Variants in CCSER1 observed in about 807,000 individuals in gnomAD.
The protein encoded by CCSER1 is coiled-coil serine rich protein 1.
A neutral mutation model predicts 82.0 loss-of-function variants in CCSER1; 41 were observed. The observed-to-expected ratio is 0.50, with a 90% CI of 0.39 to 0.65. CCSER1 has a LOEUF of 0.65. Ranked by LOEUF, CCSER1 falls within the 30% of genes least tolerant of loss-of-function variation. The pLI is 0.00. For missense variants in CCSER1, 1,119 were observed against 1,064.2 expected (o/e 1.05, Z -0.72); for synonymous variants, 414 against 383.9 (o/e 1.08, Z -0.92).
chr4:91,341,940 T>C (rs1055467478), intron 10 of CCSER1, among the ~76,000 whole-genome samples: 5 of 152,224 alleles, frequency 3.3e-5, no homozygotes, highest in Non-Finnish European at 7.3e-5. Flanking sequence ...TTATTGTTAA[T>C]ATTTTCATGC....
chr4:91,240,399 T>TA lies in CCSER1; in HGVS notation c.2217+154405_2217+154406insA, dbSNP rs1739314743. ...GCCTATTTTAAGCATTTGTAATGCATTAATTCATCTAATCATCACAACCAT... is the reference window on the plus strand; with the variant it reads ...GCCTATTTTAAGCATTTGTAATGCATATAATTCATCTAATCATCACAACCAT... On this transcript the variant is annotated intron_variant, in intron 10 of 10. Coordinates refer to ENST00000509176, the MANE Select transcript of CCSER1 (RefSeq NM_001145065.2). Among the ~76,000 whole-genome samples the TA allele has an allele frequency of 4.7e-5, 2 of 42,234 alleles. 1 individual carries two copies. Among genetic ancestry groups the TA allele is most frequent in the African/African-American group, 2.9e-4 (2 of 6,916 alleles). 27.7% of individuals were successfully genotyped at this position (42,234 alleles called of 152,430 possible).
chr4:90,392,858 G>T (rs892831032), intron 3 of CCSER1, among the ~76,000 whole-genome samples: 2 of 152,244 alleles, frequency 1.3e-5, no homozygotes, highest in South Asian at 4.1e-4. Context: ...GATTGAGTAT[G>T]CTTTCTTAAC....
intron 10 of CCSER1, among the ~76,000 whole-genome samples, chr4:91,276,461 A>G (rs1256219359): frequency 6.6e-6 from 1 of 151,978 alleles, no homozygotes; most frequent in African/African-American, 2.4e-5. Flanking sequence ...TGATTAGTAT[A>G]TAACACTACT....
intron 10 of CCSER1, among the ~76,000 whole-genome samples, chr4:91,491,948 G>GT (rs10717215): frequency 0.019 from 2,402 of 124,516 alleles, 45 homozygotes; most frequent in African/African-American, 0.054. Context: ...ATTGCTAATA[G>GT]TTTTTTTTTT....
At chr4:90,337,382 G>A (rs895592015) in intron 3 of CCSER1, among the ~76,000 whole-genome samples, 8 of 152,160 alleles carry the variant, frequency 5.3e-5, no homozygotes, top group African/African-American at 1.7e-4. Flanking sequence ...AGGCCAAGTC[G>A]TGAAGAGGGA....
At chr4:90,440,565 C>G (rs1379388467) in intron 4 of CCSER1, among the ~76,000 whole-genome samples, 1 of 152,152 alleles carries the variant, frequency 6.6e-6, no homozygotes, top group African/African-American at 2.4e-5. Flanking sequence ...AAAGGTTGGA[C>G]AGGCAGTTGG....
intron 8 of CCSER1, among the ~76,000 whole-genome samples, chr4:90,862,161 A>C (rs1765193469): frequency 6.6e-6 from 1 of 151,794 alleles, no homozygotes; most frequent in Admixed American, 6.6e-5. Flanking sequence ...ATTTATTATA[A>C]GATTATTGTG....
rs539782771 is a variant in CCSER1, at chr4:90,477,455, A to G, written c.1724+9101A>G. 3.9e-5 allele frequency among the ~76,000 whole-genome samples: 6 copies of G among 152,324 alleles called. No individual in the cohort carries two copies. The South Asian group carries it at 1.2e-3, about 32-fold the overall frequency. On this transcript the variant is annotated intron_variant, in intron 5 of 10. Coordinates refer to ENST00000509176, the MANE Select transcript of CCSER1 (RefSeq NM_001145065.2). ...AGGTAGAATCATGCTGGGCACCAAG[A>G]GGAAGCACAATAAAAATTACCAGAT...
rs182499004 is a variant in CCSER1, at chr4:90,832,027, T to A, written c.2094+16182T>A. Among the ~76,000 whole-genome samples, 27 of 152,162 alleles carry A rather than the reference T, an allele frequency of 1.8e-4. No homozygotes were observed. In the South Asian group the frequency reaches 1.9e-3, roughly 11 times the overall value. On this transcript the variant is annotated intron_variant, in intron 8 of 10. Transcript: ENST00000509176. The stretch of plus-strand genomic sequence containing the variant: ...TTAAAATAAATGTTCAAAACTCTGA[T>A]TAGTGGAGTAAAGGGCAAGACAGTC...
chr4:90,830,761 C>T (rs1319560888), intron 8 of CCSER1, among the ~76,000 whole-genome samples: 1 of 152,046 alleles, frequency 6.6e-6, no homozygotes, highest in African/African-American at 2.4e-5. Context: ...TTCCTTTTTT[C>T]TCTATTGTAT....
chr4:91,265,894 G>A (rs13120333), intron 10 of CCSER1, among the ~76,000 whole-genome samples: 35,976 of 152,032 alleles, frequency 0.24, 5,182 homozygotes, highest in African/African-American at 0.4. Context: ...AGGTTTAATG[G>A]TCTCACAGTT....
intron 10 of CCSER1, among the ~76,000 whole-genome samples, chr4:91,165,263 G>A (rs1270978431): frequency 6.6e-6 from 1 of 152,174 alleles, no homozygotes; most frequent in Admixed American, 6.5e-5. Flanking sequence ...GACCAGCGGA[G>A]GTTGCAGAAC....
At chr4:90,427,899 A>C (rs1262065975) in intron 4 of CCSER1, among the ~76,000 whole-genome samples, 2 of 151,864 alleles carry the variant, frequency 1.3e-5, no homozygotes, top group Non-Finnish European at 2.9e-5. Context: ...CTTTTATTAT[A>C]GCCATCAGGA....
intron 8 of CCSER1, among the ~76,000 whole-genome samples, chr4:90,855,777 ATCACT>A (rs1211307864): frequency 2.6e-5 from 4 of 152,150 alleles, no homozygotes; most frequent in African/African-American, 9.6e-5. Flanking sequence ...ATTATTTGAA[ATCACT>A]TCATATAAAT....
intron 7 of CCSER1, among the ~76,000 whole-genome samples, chr4:90,730,749 C>T (rs745347374): frequency 1.2e-4 from 19 of 152,064 alleles, no homozygotes; most frequent in Non-Finnish European, 2.5e-4. Flanking sequence ...GAAAGCCACT[C>T]ATGTTTTTAT....
chr4:90,278,535 A>G (rs1228982525), intron 1 of CCSER1, among the ~76,000 whole-genome samples: 3 of 152,090 alleles, frequency 2.0e-5, no homozygotes, highest in Non-Finnish European at 4.4e-5. Flanking sequence ...CAACATGGGT[A>G]CAGCTGAAGG....
chr4:91,489,237 G>A (rs1315654996), intron 10 of CCSER1, among the ~76,000 whole-genome samples: 1 of 152,160 alleles, frequency 6.6e-6, no homozygotes, highest in Non-Finnish European at 1.5e-5. Context: ...AGGTATTGGG[G>A]TAGAATATGA....
At chr4:91,277,736 G>C (rs1417340091) in intron 10 of CCSER1, among the ~76,000 whole-genome samples, 2 of 151,060 alleles carry the variant, frequency 1.3e-5, no homozygotes, top group Non-Finnish European at 3.0e-5. Context: ...TTTGGGTTTG[G>C]TTTGTTCTTG....
intron 10 of CCSER1, among the ~76,000 whole-genome samples, chr4:91,210,999 T>A (rs1736770598): frequency 6.6e-6 from 1 of 152,002 alleles, no homozygotes; most frequent in Admixed American, 6.6e-5. Context: ...AGTATTGGAC[T>A]TGAAGATTTT....
Sources: gnomAD v4.1 joint callset for allele counts (sites outside exome capture counted in the v4.1 genomes callset) on GRCh38, gnomAD v4.1.1 for gene constraint, MANE v1.5 for transcripts, NCBI Gene and HGNC (gene_info 2026-07-23, HGNC 2026-07-21) for gene names.